METAP2: variants seen among roughly 807,000 people sequenced by gnomAD.
The protein encoded by METAP2 is methionyl aminopeptidase 2.
Under a neutral mutation model 59.4 loss-of-function variants are expected in METAP2, and 25 were observed. The observed-to-expected ratio is 0.42, with a 90% CI of 0.31 to 0.59. METAP2 has a LOEUF of 0.59. METAP2 is among the 20% of genes least tolerant of loss of function. The pLI is 0.16. For missense variants in METAP2, 366 were observed against 581.2 expected (o/e 0.63, Z 3.81); for synonymous variants, 214 against 194.1 (o/e 1.10, Z -0.85).
intron 4 of METAP2, among the ~76,000 whole-genome samples, chr12:95,492,132 T>TGTGTG (rs1555191428): frequency 1.4e-3 from 211 of 149,422 alleles, no homozygotes; most frequent in African/African-American, 3.9e-3. Flanking sequence ...ATATGTGTGT[T>TGTGTG]TGTGTGTGTG....
intron 8 of METAP2, among the ~76,000 whole-genome samples, chr12:95,508,287 T>C (rs1187587697): frequency 6.6e-6 from 1 of 152,202 alleles, no homozygotes; most frequent in East Asian, 1.9e-4. Context: ...TGCTTTTCTT[T>C]GGAAAATGTT....
intron 7 of METAP2, among the ~76,000 whole-genome samples, chr12:95,503,341 A>G (rs2076330792): frequency 6.6e-6 from 1 of 152,044 alleles, no homozygotes; most frequent in Non-Finnish European, 1.5e-5. Flanking sequence ...GAATTTTCTC[A>G]TATATGCAGT....
intron 4 of METAP2, among the ~76,000 whole-genome samples, 168 bp downstream of exon 4, chr12:95,486,149 A>G (rs1197860888): frequency 6.6e-6 from 1 of 152,244 alleles, no homozygotes; most frequent in Admixed American, 6.5e-5. Flanking sequence ...ATTGGGACCA[A>G]TAGCAGGTTA....
intron 9 of METAP2, 125 bp downstream of exon 9, chr12:95,512,123 G>C (rs946998290): frequency 2.5e-5 from 16 of 631,192 alleles, no homozygotes; most frequent in Non-Finnish European, 3.7e-5. Flanking sequence ...TATTCACCCT[G>C]CCAGGAATTG....
At chr12:95,494,657 C>A (rs2076263963) in intron 5 of METAP2, among the ~76,000 whole-genome samples, 1 of 151,918 alleles carries the variant, frequency 6.6e-6, no homozygotes, top group Admixed American at 6.6e-5. Flanking sequence ...ACAACATGAA[C>A]AAATAAGATC....
chr12:95,506,374 G>A (rs2076360481), intron 8 of METAP2, among the ~76,000 whole-genome samples: 2 of 148,976 alleles, frequency 1.3e-5, no homozygotes, highest in Admixed American at 6.8e-5. Context: ...TTGGTTCACG[G>A]CAACCTCCGC....
chr12:95,511,298 G>A (rs2076399730), intron 8 of METAP2, among the ~76,000 whole-genome samples: 1 of 146,052 alleles, frequency 6.8e-6, no homozygotes, highest in African/African-American at 2.5e-5. Flanking sequence ...CATTTTATTT[G>A]TTGTTAACAG....
chr12:95,514,391 G>A lies in METAP2; in HGVS notation c.*487G>A. On this transcript the variant is annotated 3_prime_UTR_variant, in exon 11 of 11. Transcript: ENST00000323666. ...GTTATAATTCTGGACAGGATAAATA[G>A]CTAAACTTAATGTAGGCAAATGCAG... The A allele has an allele frequency of 6.5e-6, 1 of 153,232 alleles. No individual in the cohort carries two copies. Among genetic ancestry groups the A allele is most frequent in the East Asian group, 1.9e-4 (1 of 5,198 alleles). 9.5% of individuals were successfully genotyped at this position (153,232 alleles called of 1,614,324 possible).
At position 95,495,011 on chromosome 12, in the gene METAP2, A is replaced by G. The variant is rs749410146; in HGVS notation, c.645A>G (p.Ala215=). Residue 215 remains alanine, a synonymous_variant, in exon 6 of 11, where the codon GCA becomes GCG. Coordinates refer to ENST00000323666, the MANE Select transcript of METAP2 (RefSeq NM_006838.4). The stretch of plus-strand genomic sequence containing the variant: ...TAATAAAAGAGAATGGATTAAATGC[A>G]GGCCTGGCATTTCCTACTGGATGTT... ...RKLIKENGLN[A]GLAFPTGCSL... The G allele has an allele frequency of 6.2e-6, 10 of 1,613,694 alleles. No individual in the cohort carries two copies. Among genetic ancestry groups the G allele is most frequent in the Non-Finnish European group, 8.5e-6 (10 of 1,179,646 alleles).
At chr12:95,475,066 AAGG>A (rs752644936) in intron 1 of METAP2, among the ~76,000 whole-genome samples, 1 of 152,172 alleles carries the variant, frequency 6.6e-6, no homozygotes, top group Non-Finnish European at 1.5e-5. Flanking sequence ...CTGGTAAGGC[AAGG>A]AGAACTGCTG....
chr12:95,480,678 T>A (rs2076152250), intron 2 of METAP2, among the ~76,000 whole-genome samples: 1 of 152,232 alleles, frequency 6.6e-6, no homozygotes, highest in Admixed American at 6.5e-5. Flanking sequence ...TTGTTCACAT[T>A]TTTTGTCCAT....
intron 4 of METAP2, among the ~76,000 whole-genome samples, chr12:95,492,613 TG>T (rs1280839775): frequency 6.6e-6 from 1 of 152,164 alleles, no homozygotes; most frequent in Non-Finnish European, 1.5e-5. Context: ...TTGCCCAGGC[TG>T]GGGTATAGTG....
intron 4 of METAP2, among the ~76,000 whole-genome samples, chr12:95,488,444 G>T (rs1328459232): frequency 6.7e-6 from 1 of 148,388 alleles, no homozygotes. Context: ...AGGAGATGGA[G>T]GTTGCAGTGA....
intron 4 of METAP2, among the ~76,000 whole-genome samples, chr12:95,489,960 G>C (rs1323377161): frequency 6.6e-6 from 1 of 152,036 alleles, no homozygotes; most frequent in Non-Finnish European, 1.5e-5. Context: ...TGCCACATTT[G>C]TTTTATTCTT....
intron 1 of METAP2, among the ~76,000 whole-genome samples, chr12:95,475,581 C>T (rs2076112058): frequency 1.3e-5 from 2 of 152,170 alleles, no homozygotes; most frequent in Admixed American, 1.3e-4. Context: ...GGGGCCTGGT[C>T]TTGTGCTTAG....
chr12:95,490,617 T>A (rs970654764), intron 4 of METAP2, among the ~76,000 whole-genome samples: 2 of 148,130 alleles, frequency 1.4e-5, no homozygotes, highest in African/African-American at 2.5e-5. Flanking sequence ...TTGTCCAGGC[T>A]GGTTTACAAT....
chr12:95,505,618 C>T (rs1415269869), intron 8 of METAP2, among the ~76,000 whole-genome samples: 1 of 152,134 alleles, frequency 6.6e-6, no homozygotes, highest in Non-Finnish European at 1.5e-5. Flanking sequence ...CCTCAGCCTC[C>T]TGAGTAGCTG....
At chr12:95,499,427 T>C (rs1252015231) in intron 7 of METAP2, among the ~76,000 whole-genome samples, 2 of 152,088 alleles carry the variant, frequency 1.3e-5, no homozygotes, top group East Asian at 3.8e-4. Context: ...AGGCATGAAC[T>C]ATTGTGTCTG....
intron 7 of METAP2, among the ~76,000 whole-genome samples, chr12:95,503,555 G>A (rs900467896): frequency 6.6e-6 from 1 of 152,138 alleles, no homozygotes; most frequent in African/African-American, 2.4e-5. Flanking sequence ...AACAACAGTG[G>A]CCACTTCTGT....
Sources: gnomAD v4.1 joint callset for allele counts (sites outside exome capture counted in the v4.1 genomes callset) on GRCh38, gnomAD v4.1.1 for gene constraint, MANE v1.5 for transcripts, NCBI Gene and HGNC (gene_info 2026-07-23, HGNC 2026-07-21) for gene names.